Variants in RAP1GDS1 observed in about 807,000 individuals in gnomAD.
RAP1GDS1 encodes Rap1 GTPase-GDP dissociation stimulator 1.
A neutral mutation model predicts 71.1 loss-of-function variants in RAP1GDS1; 35 were observed. The observed-to-expected ratio is 0.49, with a 90% CI of 0.38 to 0.65. The LOEUF is 0.65. Among genes scored for constraint, RAP1GDS1 ranks in the 30% least tolerant of loss-of-function variants. RAP1GDS1 has a pLI of 0.00. For synonymous variants in RAP1GDS1, 229 were observed against 243.1 expected (o/e 0.94, Z 0.54); for missense variants, 663 against 706.1 (o/e 0.94, Z 0.69).
chr4:98,273,501 T>C (rs765879952), intron 1 of RAP1GDS1, among the ~76,000 whole-genome samples: 30 of 152,162 alleles, frequency 2.0e-4, no homozygotes, highest in Non-Finnish European at 4.0e-4. Flanking sequence ...GGAGTTCTTT[T>C]TTTTTAATTT....
intron 5 of RAP1GDS1, among the ~76,000 whole-genome samples, chr4:98,386,415 C>T (rs1040856504): frequency 1.3e-5 from 2 of 151,716 alleles, no homozygotes; most frequent in African/African-American, 2.4e-5. Context: ...AAAACTTTTA[C>T]AAAAGGGAAA....
chr4:98,325,932 G>A (rs1011635978), intron 2 of RAP1GDS1, among the ~76,000 whole-genome samples: 19 of 132,696 alleles, frequency 1.4e-4, no homozygotes, highest in Admixed American at 1.2e-3. Flanking sequence ...AAAAAAAAAA[G>A]ATTCAGTGTA....
rs147073477 is a variant in RAP1GDS1 at position 98,421,519 on chromosome 4, A to G, written c.1440+125A>G. 9.0e-4 allele frequency: 940 copies of G among 1,042,712 alleles called. 9 individuals are homozygous for G. The Middle Eastern group carries it at 0.012, about 14-fold the overall frequency. 64.6% of individuals were successfully genotyped at this position (1,042,712 alleles called of 1,614,324 possible). Reference sequence around the variant, plus strand: ...AGTATTGTGAAGATTCAGTGAGATCATGTATATAATGTGCTTAGCTGATAC... The same window carrying G: ...AGTATTGTGAAGATTCAGTGAGATCGTGTATATAATGTGCTTAGCTGATAC... On this transcript the variant is annotated intron_variant, in intron 12 of 14. Transcript: ENST00000408927.
At chr4:98,266,214 A>T (rs879898521) in intron 1 of RAP1GDS1, among the ~76,000 whole-genome samples, 4 of 152,088 alleles carry the variant, frequency 2.6e-5, no homozygotes, top group African/African-American at 9.7e-5. Flanking sequence ...AGTGCCTCAC[A>T]TTTCTCTGAC....
chr4:98,308,158 G>GTA (rs1454907169), intron 2 of RAP1GDS1, among the ~76,000 whole-genome samples: 4 of 148,672 alleles, frequency 2.7e-5, no homozygotes, highest in African/African-American at 9.9e-5. Flanking sequence ...GTGTATATAT[G>GTA]TGTGTGTGTG....
intron 13 of RAP1GDS1, among the ~76,000 whole-genome samples, chr4:98,435,636 G>A (rs1039877830): frequency 1.2e-4 from 19 of 152,102 alleles, no homozygotes; most frequent in African/African-American, 4.1e-4. Context: ...TCAAACTTAC[G>A]TTGTTCAAGG....
At chr4:98,337,790 T>C (rs566789732) in intron 2 of RAP1GDS1, among the ~76,000 whole-genome samples, 1 of 152,080 alleles carries the variant, frequency 6.6e-6, no homozygotes, top group Non-Finnish European at 1.5e-5. Flanking sequence ...AAAGGAGTTA[T>C]GAAATAAGAT....
At chr4:98,332,100 A>C (rs1734099835) in intron 2 of RAP1GDS1, among the ~76,000 whole-genome samples, 1 of 152,222 alleles carries the variant, frequency 6.6e-6, no homozygotes. Flanking sequence ...ATTTTTCTGC[A>C]GTGTAATTGC....
intron 7 of RAP1GDS1, among the ~76,000 whole-genome samples, chr4:98,410,875 A>G (rs910011172): frequency 1.3e-5 from 2 of 152,208 alleles, no homozygotes; most frequent in African/African-American, 4.8e-5. Context: ...AATAACCAGG[A>G]TGATTTGAGA....
At chr4:98,331,367 G>GGAGAGGGAGAGA (rs1733992807) in intron 2 of RAP1GDS1, among the ~76,000 whole-genome samples, 1 of 148,774 alleles carries the variant, frequency 6.7e-6, no homozygotes. Context: ...AGAGAGAGAG[G>GGAGAGGGAGAGA]GAGAGGGAGA....
chr4:98,396,483 G>A (rs778616793), intron 6 of RAP1GDS1: 5 of 152,160 alleles, frequency 3.3e-5, no homozygotes, highest in African/African-American at 4.8e-5. Flanking sequence ...GAGAGGCTGC[G>A]TAGACCACCT....
At chr4:98,327,730 G>A (rs914182283) in intron 2 of RAP1GDS1, among the ~76,000 whole-genome samples, 1 of 152,184 alleles carries the variant, frequency 6.6e-6, no homozygotes, top group Non-Finnish European at 1.5e-5. Flanking sequence ...GTCCCACATT[G>A]GAGAGGGTGA....
rs561156072 is a variant in RAP1GDS1, at chr4:98,422,142, G to A, written c.1440+748G>A. On this transcript the variant is annotated intron_variant, in intron 12 of 14. Coordinates refer to ENST00000408927, the MANE Select transcript of RAP1GDS1 (RefSeq NM_001100427.2). ...GTGAACCCGGGAGGCGGAGCTTGCA[G>A]AGAGCCGAGATTGCACCACTGCACT... 1.1e-3 allele frequency among the ~76,000 whole-genome samples: 175 copies of A among 152,208 alleles called. 1 individual carries two copies. In the South Asian group the frequency reaches 0.018, roughly 16 times the overall value.
At position 98,386,900 on chromosome 4, in the gene RAP1GDS1, A is replaced by G. The variant is rs73834464; in HGVS notation, c.509-5052A>G. Among the ~76,000 whole-genome samples, 759 of 152,248 alleles carry G rather than the reference A, an allele frequency of 5.0e-3. 7 individuals are homozygous for G. Among genetic ancestry groups the G allele is most frequent in the South Asian group, 0.018 (86 of 4,832 alleles). ...GCTCTACTTCAGTTGTATCGTTTCTAATTTTTAATTTTCATATCCTTTTTT... is the reference window on the plus strand; with the variant it reads ...GCTCTACTTCAGTTGTATCGTTTCTGATTTTTAATTTTCATATCCTTTTTT... On this transcript the variant is annotated intron_variant, in intron 5 of 14. Transcript: ENST00000408927.
At chr4:98,291,353 T>C (rs1162467810) in intron 1 of RAP1GDS1, among the ~76,000 whole-genome samples, 1 of 152,208 alleles carries the variant, frequency 6.6e-6, no homozygotes, top group Non-Finnish European at 1.5e-5. Context: ...ACTTCTCCAT[T>C]TCTATCTCTA....
At chr4:98,267,324 T>C (rs1722830501) in intron 1 of RAP1GDS1, among the ~76,000 whole-genome samples, 1 of 152,096 alleles carries the variant, frequency 6.6e-6, no homozygotes, top group Non-Finnish European at 1.5e-5. Flanking sequence ...AATTTCAACT[T>C]TTAGTTTAGG....
rs1748122107 is a variant in RAP1GDS1, at chr4:98,416,940, A to C, written c.907+52A>C. 5 of 1,573,696 alleles carry C rather than the reference A, an allele frequency of 3.2e-6. No individual in the cohort carries two copies. The South Asian group carries it at 4.7e-5, about 15-fold the overall frequency. On this transcript the variant is annotated intron_variant, in intron 8 of 14. Transcript: ENST00000408927. ...GAATGTGGTTGTCAGATGTTTTTAA[A>C]ATTTATTGTCTCTTCTGTAAATACT...
Position 98,442,074 on chromosome 4 carries a change from A to G in RAP1GDS1, c.1781A>G (p.Gln594Arg). 1 of 1,614,020 alleles carries G rather than the reference A, an allele frequency of 6.2e-7. No homozygotes were observed. The highest frequency in any genetic ancestry group is 8.5e-7 in the Non-Finnish European group (1 of 1,179,998). ...AGTCATGAGAACAAAAGTGTTGCCC[A>G]GCAGGCCTCTCTCACAGAGCAGAGA... ...LRSHENKSVA[Q>R]QASLTEQRLT... The change falls in exon 15 of 15, where the codon CAG becomes CGG. Residue 594 changes from glutamine (Q) to arginine (R), a missense_variant. By Grantham distance (43) the Gln-to-Arg change is conservative. Coordinates refer to ENST00000408927, the MANE Select transcript of RAP1GDS1 (RefSeq NM_001100427.2).
rs146164740 is a variant in RAP1GDS1 at position 98,403,392 on chromosome 4, G to T, written c.638-1085G>T. 2.1e-3 allele frequency among the ~76,000 whole-genome samples: 320 copies of T among 152,288 alleles called. 2 individuals carry two copies. Among genetic ancestry groups the T allele is most frequent in the South Asian group, 1.0e-3 (5 of 4,826 alleles). On this transcript the variant is annotated intron_variant, in intron 6 of 14. Transcript: ENST00000408927. ...ATTGACAGACCTTGGTGATTTATTA[G>T]ATGTGGAAGTTGAGTGATAATAAAT...
Sources: gnomAD v4.1 joint callset for allele counts (sites outside exome capture counted in the v4.1 genomes callset) on GRCh38, gnomAD v4.1.1 for gene constraint, MANE v1.5 for transcripts, NCBI Gene and HGNC (gene_info 2026-07-23, HGNC 2026-07-21) for gene names.